Variants in DAPK2 observed in about 807,000 individuals in gnomAD.
DAPK2 encodes death-associated protein kinase 2.
A neutral mutation model predicts 44.1 loss-of-function variants in DAPK2; 35 were observed. That is an observed-to-expected ratio of 0.79 (90% CI 0.61 to 1.05). The LOEUF (loss-of-function observed/expected upper bound fraction) is 1.05, where lower values mean the gene tolerates loss of function less well. Among genes scored for constraint, DAPK2 ranks in the 50% least tolerant of loss-of-function variants. DAPK2 has a pLI of 0.00. For synonymous variants in DAPK2, 174 were observed against 182.6 expected (o/e 0.95, Z 0.38); for missense variants, 453 against 483.2 (o/e 0.94, Z 0.59).
chr15:63,952,556 C>G (rs377053380), intron 3 of DAPK2, among the ~76,000 whole-genome samples: 1 of 151,890 alleles, frequency 6.6e-6, no homozygotes, highest in African/African-American at 2.4e-5. Context: ...AAGAAAGGCC[C>G]GAGAATGTCA....
chr15:64,046,278 C>T lies in DAPK2; in HGVS notation c.-7+20G>A. 2 of 977,046 alleles carry T rather than the reference C, an allele frequency of 2.0e-6. No individual in the cohort carries two copies. The highest frequency in any genetic ancestry group is 5.3e-4 in the Middle Eastern group (1 of 1,890). The allele number at this position is 977,046 out of a possible 1,614,324, so 60.5% of individuals were successfully genotyped here. A position where few individuals can be genotyped will look rare whatever the true frequency, so the allele number is the denominator to read the frequency against. ...CGCGCCCCGTCCCGCCCATCGAGCC[C>T]GCAGACGGGTGCTACTCACGGCGGG... On this transcript the variant is annotated intron_variant, in intron 1 of 11. Transcript: ENST00000457488. This position sits in a 1 kb window ranked among gnomAD's most constrained non-coding sequence, Gnocchi z 5.3.
intron 7 of DAPK2, among the ~76,000 whole-genome samples, chr15:63,925,299 C>A (rs1296027501): frequency 6.6e-6 from 1 of 152,058 alleles, no homozygotes; most frequent in Non-Finnish European, 1.5e-5. Context: ...AAATCAGGGC[C>A]CTTGCACTCC....
chr15:64,015,959 G>C (rs2079514199), intron 1 of DAPK2, among the ~76,000 whole-genome samples: 1 of 152,206 alleles, frequency 6.6e-6, no homozygotes, highest in Non-Finnish European at 1.5e-5. Flanking sequence ...CACCCAGTTT[G>C]TGGCCATTTG....
intron 1 of DAPK2, among the ~76,000 whole-genome samples, chr15:64,007,993 T>C (rs934086145): frequency 1.3e-5 from 2 of 152,050 alleles, no homozygotes; most frequent in African/African-American, 4.8e-5. Context: ...AGAAGGAAGA[T>C]TAGTGGTTGC....
chr15:63,957,415 G>C (rs1020278663), intron 3 of DAPK2, among the ~76,000 whole-genome samples: 1 of 151,786 alleles, frequency 6.6e-6, no homozygotes, highest in Admixed American at 6.6e-5. Flanking sequence ...GCGCAGGTTT[G>C]TTACATATGT....
chr15:63,947,040 G>A lies in DAPK2; in HGVS notation c.454-7679C>T, dbSNP rs192372328. Among the ~76,000 whole-genome samples the A allele has an allele frequency of 5.7e-5, 8 of 139,904 alleles. No individual in the cohort carries two copies. The East Asian group carries it at 1.5e-3, about 27-fold the overall frequency. 91.8% of individuals were successfully genotyped at this position (139,904 alleles called of 152,430 possible). ...GCCCATGCCCAATACGTGCCTCTGT[G>A]TGGCATTCAAGGCCCTGCTTCCCCA... is the stretch of plus-strand genomic sequence containing the variant. On this transcript the variant is annotated intron_variant, in intron 3 of 10. Transcript: ENST00000261891.
rs1175906241 is a variant in DAPK2, at chr15:64,033,690, C to T, written c.92+6480G>A. On this transcript the variant is annotated intron_variant, in intron 1 of 10. Coordinates refer to ENST00000261891, the Ensembl canonical transcript of DAPK2. ...TTGGGAGGCCGAGGCGGGTGGATCACGAGGTCAGGAGATGGAGACCATCCT... is the reference window on the plus strand; with the variant it reads ...TTGGGAGGCCGAGGCGGGTGGATCATGAGGTCAGGAGATGGAGACCATCCT... 3.9e-5 allele frequency among the ~76,000 whole-genome samples: 6 copies of T among 152,064 alleles called. No individual in the cohort carries two copies. In the East Asian group the frequency reaches 5.9e-4, roughly 15 times the overall value.
At chr15:63,946,474 T>C (rs2077452670) in intron 3 of DAPK2, among the ~76,000 whole-genome samples, 1 of 152,228 alleles carries the variant, frequency 6.6e-6, no homozygotes, top group South Asian at 2.1e-4. Context: ...GGGCAAAACC[T>C]ACTGAGCCAC....
At chr15:64,045,129 C>A (rs1304515384), upstream of DAPK2, among the ~76,000 whole-genome samples, 1 of 152,264 alleles carries the variant, frequency 6.6e-6, no homozygotes, top group East Asian at 1.9e-4. Flanking sequence ...AATCGGGAGG[C>A]CTCAAGGAGG....
rs760062228 is a variant in DAPK2 at position 63,983,770 on chromosome 15, C to G, written c.93-16G>C. The G allele has an allele frequency of 1.3e-5, 21 of 1,606,598 alleles. No individual in the cohort carries two copies. The African/African-American group carries it at 2.4e-4, about 18-fold the overall frequency. On this transcript the variant is annotated splice_polypyrimidine_tract_variant and intron_variant, in intron 1 of 10. Transcript: ENST00000261891. ...AAACTGGCCACTGTGGGGACACAGA[C>G]CCACAAGATTAGGTCATCACTGTGG...
chr15:63,991,810 C>T (rs1037137247), intron 1 of DAPK2, among the ~76,000 whole-genome samples: 2 of 152,156 alleles, frequency 1.3e-5, no homozygotes, highest in East Asian at 1.9e-4. Context: ...CCAACCAAGC[C>T]GAACTCAGGG....
intron 1 of DAPK2, among the ~76,000 whole-genome samples, chr15:64,002,144 C>T (rs1595878389): frequency 6.6e-6 from 1 of 152,212 alleles, no homozygotes; most frequent in East Asian, 1.9e-4. Context: ...GAGCCAAGCT[C>T]AGGGCCCTGG....
chr15:63,963,651 T>C (rs1321118002), intron 3 of DAPK2, among the ~76,000 whole-genome samples: 1 of 152,214 alleles, frequency 6.6e-6, no homozygotes, highest in Non-Finnish European at 1.5e-5. Context: ...GTCTTCCTTT[T>C]AGTGAAGGTA....
chr15:63,925,836 G>A (rs1437412977), intron 7 of DAPK2, 105 bp downstream of exon 8: 45 of 1,428,556 alleles, frequency 3.2e-5, no homozygotes, highest in Non-Finnish European at 4.2e-5. Flanking sequence ...CCACAACAGT[G>A]CAGATGACAG....
intron 1 of DAPK2, among the ~76,000 whole-genome samples, chr15:63,986,385 T>C (rs1195819465): frequency 6.6e-6 from 1 of 152,220 alleles, no homozygotes; most frequent in Non-Finnish European, 1.5e-5. Flanking sequence ...CATAAGTCAC[T>C]GATTCAAATG....
intron 3 of DAPK2, among the ~76,000 whole-genome samples, chr15:63,942,451 C>T (rs1411130619): frequency 6.6e-6 from 1 of 151,998 alleles, no homozygotes; most frequent in Non-Finnish European, 1.5e-5. Context: ...ACTCAGGGGG[C>T]TGAGATGGGA....
upstream of DAPK2, chr15:64,040,316 A>G: frequency 1.4e-6 from 2 of 1,465,850 alleles, no homozygotes; most frequent in Non-Finnish European, 1.9e-6. Flanking sequence ...AAATTAGCAC[A>G]AGCCTAAGAG....
Position 63,930,554 on chromosome 15 carries a change from C to T in DAPK2, c.584-99G>A, listed in dbSNP as rs919807852. On this transcript the variant is annotated intron_variant, in intron 4 of 10. Transcript: ENST00000261891. The stretch of plus-strand genomic sequence containing the variant: ...GAATTTGGTGCCAAATATCTCCATC[C>T]TGAATCTCCAGGAAAATTAGAGCAG... 75 of 1,112,340 alleles carry T rather than the reference C, an allele frequency of 6.7e-5. 1 individual carries two copies. In the Middle Eastern group the frequency reaches 9.8e-4, roughly 15 times the overall value. 68.9% of individuals were successfully genotyped at this position (1,112,340 alleles called of 1,614,324 possible).
chr15:63,968,561 A>G (rs1167157938), intron 3 of DAPK2, among the ~76,000 whole-genome samples: 2 of 152,214 alleles, frequency 1.3e-5, no homozygotes, highest in African/African-American at 4.8e-5. Flanking sequence ...CACTGTAACA[A>G]AAGTTCTATT....
Sources: allele counts gnomAD v4.1 joint callset (sites outside exome capture counted in the v4.1 genomes callset), GRCh38; gene constraint gnomAD v4.1.1; non-coding constraint Gnocchi (gnomAD v3.1); transcripts MANE v1.5; gene names NCBI Gene and HGNC (gene_info 2026-07-23, HGNC 2026-07-21).